The following TTC29 variants were observed in gnomAD, a reference collection of about 807,000 sequenced individuals.
TTC29 encodes the protein tetratricopeptide repeat protein 29.
A neutral mutation model predicts 58.1 loss-of-function variants in TTC29; 49 were observed. The ratio of observed to expected loss-of-function variants is 0.84; its 90% confidence interval spans 0.67 to 1.07. The LOEUF is 1.07. TTC29 is among the 50% of genes least tolerant of loss of function. The probability of loss-of-function intolerance (pLI) is 0.00; values close to 1 mark genes in which losing one functional copy is unlikely to be tolerated. For missense variants in TTC29, 582 were observed against 555.6 expected (o/e 1.05, Z -0.48); for synonymous variants, 209 against 196.8 (o/e 1.06, Z -0.52).
At chr4:146,920,543 T>C (rs1172447613) in intron 4 of TTC29, among the ~76,000 whole-genome samples, 2 of 151,030 alleles carry the variant, frequency 1.3e-5, no homozygotes, top group East Asian at 3.9e-4. Flanking sequence ...AGTGTAGGGG[T>C]AAATAACAAA....
At chr4:146,853,947 C>T (rs1329075087) in intron 8 of TTC29, among the ~76,000 whole-genome samples, 1 of 152,038 alleles carries the variant, frequency 6.6e-6, no homozygotes, top group Non-Finnish European at 1.5e-5. Flanking sequence ...TCATGGTAAA[C>T]TGGAATTCCA....
At chr4:146,750,197 CG>C (rs1205448061) in intron 11 of TTC29, among the ~76,000 whole-genome samples, 1 of 152,024 alleles carries the variant, frequency 6.6e-6, no homozygotes, top group Non-Finnish European at 1.5e-5. Context: ...TTAGCAGAGA[CG>C]GGGTTTCGCG....
At chr4:146,774,704 G>C (rs1339378849) in intron 11 of TTC29, among the ~76,000 whole-genome samples, 1 of 152,132 alleles carries the variant, frequency 6.6e-6, no homozygotes, top group African/African-American at 2.4e-5. Context: ...GTTGTTTTGG[G>C]TGGACAGTTC....
At chr4:146,892,449 T>C (rs904640438) in intron 6 of TTC29, among the ~76,000 whole-genome samples, 13 of 152,132 alleles carry the variant, frequency 8.5e-5, no homozygotes, top group African/African-American at 2.7e-4. Context: ...ATTCTCTCAA[T>C]AGATGCAGAA....
At position 146,903,621 on chromosome 4, in the gene TTC29, G is replaced by A. The variant is rs376848539; in HGVS notation, c.509C>T (p.Ala170Val). 3.1e-6 allele frequency: 5 copies of A among 1,612,792 alleles called. No individual in the cohort carries two copies. The highest frequency in any genetic ancestry group is 2.7e-5 in the African/African-American group (2 of 74,842). ...CCCACAGTCAATTTTGATCAGCTGA[G>A]CAATCTTAAAACATCGTTCATAGAA... Reference protein sequence around the residue: ...NHFYERCFKIAQLIKIDCGKK... With the variant: ...NHFYERCFKIVQLIKIDCGKK... The change falls in exon 6 of 13, where the codon GCT becomes GTT. Residue 170 changes from alanine (A) to valine (V), a missense_variant. Transcript: ENST00000325106.
At chr4:146,755,274 T>C (rs1342994544) in intron 11 of TTC29, among the ~76,000 whole-genome samples, 1 of 152,170 alleles carries the variant, frequency 6.6e-6, no homozygotes, top group Non-Finnish European at 1.5e-5. Context: ...GAAGAATTAA[T>C]ATTGTTAAAA....
chr4:146,852,860 C>T (rs181287459), intron 8 of TTC29, among the ~76,000 whole-genome samples: 14 of 152,200 alleles, frequency 9.2e-5, no homozygotes, highest in African/African-American at 2.2e-4. Context: ...GGAATCTATA[C>T]GGCTGTATTT....
intron 11 of TTC29, among the ~76,000 whole-genome samples, chr4:146,780,976 A>C (rs1748550947): frequency 6.6e-6 from 1 of 152,030 alleles, no homozygotes; most frequent in African/African-American, 2.4e-5. Context: ...GGTTAGATAA[A>C]TTTCAGTTTG....
chr4:146,893,718 A>G (rs1732548054), intron 6 of TTC29, among the ~76,000 whole-genome samples: 1 of 152,224 alleles, frequency 6.6e-6, no homozygotes, highest in African/African-American at 2.4e-5. Context: ...CTGCACAGCA[A>G]AAGATACTAC....
At chr4:146,897,538 C>T (rs932254598) in intron 6 of TTC29, among the ~76,000 whole-genome samples, 5 of 152,166 alleles carry the variant, frequency 3.3e-5, no homozygotes, top group African/African-American at 1.2e-4. Context: ...CCTGCCACCC[C>T]CTGCTGATCA....
At position 146,803,535 on chromosome 4, in the gene TTC29, ACT is replaced by A. The variant is rs758368040; in HGVS notation, c.1250_1251del (p.Glu417ValfsTer19). On this transcript the variant is annotated frameshift_variant, in exon 11 of 13. Coordinates refer to ENST00000325106, the MANE Select transcript of TTC29 (RefSeq NM_031956.4). LOFTEE classifies it high-confidence loss of function. Reference sequence around the variant, plus strand: ...TAGTTGAGGCTGGTGAGATCTGCAGACTCTATATAGTTGTTCACTGTAAGCAT... The same window carrying A: ...TAGTTGAGGCTGGTGAGATCTGCAGACTATATAGTTGTTCACTGTAAGCAT... ...QMMLTVNNYI[E>X]SADLTSLNYL... The A allele has an allele frequency of 8.1e-6, 13 of 1,602,564 alleles. No individual in the cohort carries two copies. Among genetic ancestry groups the A allele is most frequent in the East Asian group, 6.7e-5 (3 of 44,650 alleles).
At chr4:146,908,316 T>C (rs924373410) in intron 5 of TTC29, among the ~76,000 whole-genome samples, 1 of 152,210 alleles carries the variant, frequency 6.6e-6, no homozygotes, top group East Asian at 1.9e-4. Flanking sequence ...TTTTTTTATT[T>C]GATTATAGAT....
intron 4 of TTC29, among the ~76,000 whole-genome samples, chr4:146,915,135 C>A (rs143723083): frequency 1.2e-4 from 19 of 152,222 alleles, no homozygotes; most frequent in African/African-American, 4.3e-4. Flanking sequence ...CAAAGCCATA[C>A]AAGTTATTAA....
At chr4:146,926,260 C>T (rs986980631) in intron 4 of TTC29, among the ~76,000 whole-genome samples, 3 of 152,124 alleles carry the variant, frequency 2.0e-5, no homozygotes, top group African/African-American at 7.2e-5. Context: ...TCTTAAAGAA[C>T]TGATGTATGT....
At chr4:146,831,923 T>C (rs895157255) in intron 9 of TTC29, 1 of 198,450 alleles carries the variant, frequency 5.0e-6, no homozygotes, top group South Asian at 8.0e-5. Context: ...TTTATCTCTT[T>C]ATTAATTAAT....
chr4:146,728,015 G>T (rs114907187), intron 11 of TTC29, among the ~76,000 whole-genome samples: 1 of 152,112 alleles, frequency 6.6e-6, no homozygotes, highest in South Asian at 2.1e-4. Context: ...GGCCAGGTGC[G>T]ATGGCTCATG....
intron 11 of TTC29, among the ~76,000 whole-genome samples, chr4:146,729,257 T>C (rs1744149523): frequency 6.6e-6 from 1 of 152,198 alleles, no homozygotes; most frequent in African/African-American, 2.4e-5. Context: ...AAGTGCTTCC[T>C]ACATTTTTCA....
chr4:146,738,249 G>T (rs377766643), intron 11 of TTC29, among the ~76,000 whole-genome samples: 32 of 152,186 alleles, frequency 2.1e-4, no homozygotes, highest in African/African-American at 6.8e-4. Context: ...TGATGGTGAA[G>T]AAATGGATAA....
intron 8 of TTC29, among the ~76,000 whole-genome samples, chr4:146,852,754 T>A (rs1266499461): frequency 3.9e-5 from 6 of 152,250 alleles, no homozygotes; most frequent in African/African-American, 1.4e-4. Context: ...TCAGACCTGT[T>A]ATTCAACACT....
Sources: gnomAD v4.1 joint callset for allele counts (sites outside exome capture counted in the v4.1 genomes callset) on GRCh38, gnomAD v4.1.1 for gene constraint, MANE v1.5 for transcripts, NCBI Gene and HGNC (gene_info 2026-07-23, HGNC 2026-07-21) for gene names.